DPYSL4: variants seen among roughly 807,000 people sequenced by gnomAD.
The protein encoded by DPYSL4 is dihydropyrimidinase-related protein 4.
DPYSL4 carries 43 observed loss-of-function variants against 63.4 expected under a neutral mutation model. The ratio of observed to expected loss-of-function variants is 0.68; its 90% CI spans 0.53 to 0.88. The LOEUF (loss-of-function observed/expected upper bound fraction) is 0.88. Among genes scored for constraint, DPYSL4 ranks in the 40% least tolerant of loss-of-function variants. DPYSL4 has a pLI of 0.00. For missense variants in DPYSL4, 733 were observed against 819.5 expected (o/e 0.89, Z 1.29); for synonymous variants, 353 against 331.7 (o/e 1.06, Z -0.70).
Position 132,191,145 on chromosome 10 carries a change from C to T in DPYSL4, c.128+310C>T, listed in dbSNP as rs56251830. ...CAGGCAGTTGAAAGTATGTTCCCACCTCTTGTGTACACACTGGTCACGTGG... is the reference window on the plus strand; with the variant it reads ...CAGGCAGTTGAAAGTATGTTCCCACTTCTTGTGTACACACTGGTCACGTGG... On this transcript the variant is annotated intron_variant, in intron 2 of 13. Coordinates refer to ENST00000338492, the MANE Select transcript of DPYSL4 (RefSeq NM_006426.3). 3.1e-5 allele frequency among the ~76,000 whole-genome samples: 3 copies of T among 96,266 alleles called. 1 individual carries two copies. Among genetic ancestry groups the T allele is most frequent in the Non-Finnish European group, 6.9e-5 (3 of 43,174 alleles). 63.2% of individuals were successfully genotyped at this position (96,266 alleles called of 152,430 possible).
At chr10:132,201,905 A>G (rs771628058) in intron 10 of DPYSL4, 41 bp from the exon 11 acceptor site, 19 of 1,584,992 alleles carry the variant, frequency 1.2e-5, no homozygotes, top group Non-Finnish European at 1.5e-5. Flanking sequence ...CCTCACCCCA[A>G]CCCCACCCGT....
intron 1 of DPYSL4, 75 bp downstream of exon 1, chr10:132,187,177 C>G: frequency 2.6e-6 from 3 of 1,169,068 alleles, no homozygotes; most frequent in Non-Finnish European, 3.6e-6. Flanking sequence ...GGCGGACCCT[C>G]CTGGTCTTGT....
intron 4 of DPYSL4, among the ~76,000 whole-genome samples, chr10:132,196,083 AGT>A (rs1221408962): frequency 2.0e-5 from 3 of 151,682 alleles, no homozygotes. Flanking sequence ...TGTGGGGCAC[AGT>A]GTGACTCAGT....
At chr10:132,201,924 G>C in intron 10 of DPYSL4, 22 bp from the exon 11 acceptor site, 1 of 1,603,636 alleles carries the variant, frequency 6.2e-7, no homozygotes, top group Non-Finnish European at 8.5e-7. Context: ...GTCGCCCTCA[G>C]CTCAGCCTTC....
intron 4 of DPYSL4, 127 bp from the exon 5 acceptor site, chr10:132,196,734 C>A: frequency 9.4e-7 from 1 of 1,063,270 alleles, no homozygotes; most frequent in Non-Finnish European, 1.4e-6. Flanking sequence ...GGCTGGCAAG[C>A]CAGTGAGGGA....
intron 3 of DPYSL4, among the ~76,000 whole-genome samples, chr10:132,194,056 G>A (rs927084302): frequency 6.6e-5 from 10 of 152,242 alleles, no homozygotes; most frequent in African/African-American, 1.7e-4. Flanking sequence ...GGGTCCCCGC[G>A]AAGACAGAGA....
chr10:132,187,055 A>C lies in DPYSL4; in HGVS notation c.-9A>C, dbSNP rs1590084454. On this transcript the variant is annotated 5_prime_UTR_variant, in exon 1 of 14. Transcript: ENST00000338492. ...TGTGCCGCCCCTACCAGAGACCCCC[A>C]GGAGCAGGATGTCCTTCCAGGGCAA... is the stretch of plus-strand genomic sequence containing the variant. 1 of 1,199,364 alleles carries C rather than the reference A, an allele frequency of 8.3e-7. No homozygotes were observed. The highest frequency in any genetic ancestry group is 1.1e-6 in the Non-Finnish European group (1 of 936,174). The allele number at this position is 1,199,364 out of a possible 1,614,324, so 74.3% of individuals were successfully genotyped here. A position where few individuals can be genotyped will look rare whatever the true frequency, so the allele number is the denominator to read the frequency against.
intron 6 of DPYSL4, among the ~76,000 whole-genome samples, chr10:132,197,737 G>A (rs1457603449): frequency 1.3e-5 from 2 of 152,206 alleles, no homozygotes; most frequent in African/African-American, 2.4e-5. Flanking sequence ...GACGGGCTCT[G>A]CCCACCTCCT....
intron 8 of DPYSL4, among the ~76,000 whole-genome samples, chr10:132,200,025 G>A (rs570443466): frequency 2.0e-5 from 3 of 152,292 alleles, no homozygotes; most frequent in African/African-American, 7.2e-5. Context: ...CCAGTCAGCC[G>A]CCATGCAGTT....
At position 132,203,495 on chromosome 10, in the gene DPYSL4, G is replaced by A. The variant is rs894193589; in HGVS notation, c.1462-267G>A. The A allele has an allele frequency of 1.2e-5, 6 of 509,236 alleles. No individual in the cohort carries two copies. In the Middle Eastern group the frequency reaches 1.5e-3, roughly 129 times the overall value. 31.5% of individuals were successfully genotyped at this position (509,236 alleles called of 1,614,324 possible). On this transcript the variant is annotated intron_variant, in intron 12 of 13. Coordinates refer to ENST00000338492, the MANE Select transcript of DPYSL4 (RefSeq NM_006426.3). ...TGCACCTGTGTTGGTAAGACTGAGG[G>A]GAGGGACGTTTGCACACACATGCAG...
In DPYSL4 at chr10:132,187,012, C is replaced by CCTTT; in HGVS notation, c.-52_-51insCTTT. 2.7e-5 allele frequency: 6 copies of CCTTT among 222,364 alleles called. No homozygotes were observed. The South Asian group carries it at 3.6e-4, about 13-fold the overall frequency. The allele number at this position is 222,364 out of a possible 1,614,324, so 13.8% of individuals were successfully genotyped here. ...TCACGCGTCCCCCCGCCCGCCCGCC[C>CCTTT]GCCCGCCCGCCCCCGCTTGTGCCGC... On this transcript the variant is annotated 5_prime_UTR_variant, in exon 1 of 14. Coordinates refer to ENST00000338492, the MANE Select transcript of DPYSL4 (RefSeq NM_006426.3).
rs1268677733 is a variant in DPYSL4 at position 132,205,013 on chromosome 10, T to C, written c.*83T>C. 3.5e-6 allele frequency: 4 copies of C among 1,155,962 alleles called. No homozygotes were observed. The East Asian group carries it at 1.0e-4, about 30-fold the overall frequency. 71.6% of individuals were successfully genotyped at this position (1,155,962 alleles called of 1,614,324 possible). A position where few individuals can be genotyped will look rare whatever the true frequency, so the allele number is the denominator to read the frequency against. The stretch of plus-strand genomic sequence containing the variant: ...AGGGCACTCGCCCCCCTCCTTAGCA[T>C]TTTCTTTTGTAGAAGTTTCTCGAAG... On this transcript the variant is annotated 3_prime_UTR_variant, in exon 14 of 14. Coordinates refer to ENST00000338492, the MANE Select transcript of DPYSL4 (RefSeq NM_006426.3).
chr10:132,200,107 G>T (rs1292017346), intron 8 of DPYSL4, among the ~76,000 whole-genome samples: 1 of 152,184 alleles, frequency 6.6e-6, no homozygotes, highest in East Asian at 1.9e-4. Context: ...TGGGGTGTGG[G>T]CAGAGAGAGG....
At chr10:132,192,882 C>T (rs780116882) in intron 3 of DPYSL4, 40 bp downstream of exon 3, 15 of 1,544,974 alleles carry the variant, frequency 9.7e-6, no homozygotes, top group South Asian at 5.0e-5. Context: ...GGGCAGCCAG[C>T]GTCTGCTGCC....
At chr10:132,198,333 G>A in intron 6 of DPYSL4, 82 bp from the exon 7 acceptor site, 1 of 1,406,794 alleles carries the variant, frequency 7.1e-7, no homozygotes. Context: ...TTGGGGAATG[G>A]GGCCTCCCAG....
Position 132,201,980 on chromosome 10 carries a change from C to CGGT in DPYSL4, c.1147_1149dup (p.Val383dup), listed in dbSNP as rs1381934398. ...AAGATGGACGAGAATGAGTTCGTCGCGGTGACCAGTACAAATGCTGCCAAA... is the reference window on the plus strand; with the variant it reads ...AAGATGGACGAGAATGAGTTCGTCGCGGTGGTGACCAGTACAAATGCTGCCAAA... On this transcript the variant is annotated inframe_insertion, in exon 11 of 14. Coordinates refer to ENST00000338492, the MANE Select transcript of DPYSL4 (RefSeq NM_006426.3). 1 of 1,613,056 alleles carries CGGT rather than the reference C, an allele frequency of 6.2e-7. No individual in the cohort carries two copies. The highest frequency in any genetic ancestry group is 8.5e-7 in the Non-Finnish European group (1 of 1,179,904).
chr10:132,197,134 A>ACAGGGGCTGCCGTGGGG (rs763682239), intron 6 of DPYSL4, 33 bp downstream of exon 6: 231 of 1,456,866 alleles, frequency 1.6e-4, no homozygotes, highest in Non-Finnish European at 2.0e-4. Flanking sequence ...TGGGGCAGGC[A>ACAGGGGCTGCCGTGGGG]CAGGGGCTGC....
At chr10:132,196,749 C>A in intron 4 of DPYSL4, 112 bp from the exon 5 acceptor site, 2 of 1,249,004 alleles carry the variant, frequency 1.6e-6, no homozygotes, top group Non-Finnish European at 2.3e-6. Context: ...GAGGGAAGCA[C>A]TGCGGGGGAG....
intron 7 of DPYSL4, 92 bp from the exon 8 acceptor site, chr10:132,198,759 C>G: frequency 1.3e-6 from 2 of 1,546,768 alleles, no homozygotes; most frequent in Non-Finnish European, 1.8e-6. Context: ...AGCCTGGGAT[C>G]CCATGGGTGA....
Sources: gnomAD v4.1 joint callset for allele counts (sites outside exome capture counted in the v4.1 genomes callset) on GRCh38, gnomAD v4.1.1 for gene constraint, MANE v1.5 for transcripts, NCBI Gene and HGNC (gene_info 2026-07-23, HGNC 2026-07-21) for gene names.